The following SYBU variants were observed in gnomAD, a reference collection of about 807,000 sequenced individuals.
The protein encoded by SYBU is syntabulin.
Under a neutral mutation model 35.9 loss-of-function variants are expected in SYBU, and 21 were observed. That is an observed-to-expected ratio of 0.58 (90% CI 0.41 to 0.84). The LOEUF is 0.84. Among genes scored for constraint, SYBU ranks in the 40% least tolerant of loss-of-function variants. SYBU has a pLI of 0.00. For synonymous variants in SYBU, 319 were observed against 324.3 expected (o/e 0.98, Z 0.18); for missense variants, 768 against 848.2 (o/e 0.91, Z 1.17).
At chr8:109,645,215 G>A (rs761653579), upstream of SYBU, 20 of 456,570 alleles carry the variant, frequency 4.4e-5, no homozygotes, top group South Asian at 3.1e-4. Context: ...CCCCTCCTTG[G>A]CCTCCAGGTC....
chr8:109,642,664 C>A (rs1293426008), intron 2 of SYBU, 64 bp downstream of exon 2: 2 of 1,157,236 alleles, frequency 1.7e-6, no homozygotes, highest in African/African-American at 3.1e-5. Context: ...AGTATGGGCC[C>A]ATTCACAATG....
intron 6 of SYBU, among the ~76,000 whole-genome samples, chr8:109,577,656 C>T (rs2131191750): frequency 6.6e-6 from 1 of 152,296 alleles, no homozygotes; most frequent in South Asian, 2.1e-4. Context: ...AACAAAGGTT[C>T]CCCTCTAACC....
chr8:109,663,350 A>G (rs565406915), intron 1 of SYBU, among the ~76,000 whole-genome samples: 92 of 152,264 alleles, frequency 6.0e-4, no homozygotes, highest in African/African-American at 2.1e-3. Flanking sequence ...GATTTTGATC[A>G]GGACAATAAA....
rs868297623 is a variant in SYBU at position 109,579,990 on chromosome 8, A to G, written c.543T>C (p.His181=). 5 of 1,612,978 alleles carry G rather than the reference A, an allele frequency of 3.1e-6. No individual in the cohort carries two copies. In the Middle Eastern group the frequency reaches 5.9e-4, roughly 189 times the overall value. Residue 181 remains histidine (H), a synonymous_variant, in exon 5 of 7, where the codon CAT becomes CAC. Coordinates refer to ENST00000276646, the MANE Select transcript of SYBU (RefSeq NM_001099754.2). ...GTGACGAAGCTCCATTACTCCGCCC[A>G]TGAGGACCTCGACTGGGAGAAAAGA... The part of the protein sequence containing the change: ...RSSSSRNRGP[H]GRSNGASSHK...
chr8:109,664,101 A>C (rs2130746619), intron 1 of SYBU, among the ~76,000 whole-genome samples: 1 of 152,332 alleles, frequency 6.6e-6, no homozygotes, highest in South Asian at 2.1e-4. Context: ...ACAAGAAAAA[A>C]ATTGAAAGTT....
intron 3 of SYBU, among the ~76,000 whole-genome samples, chr8:109,592,529 G>A (rs983265563): frequency 1.3e-5 from 2 of 152,182 alleles, no homozygotes; most frequent in African/African-American, 4.8e-5. Flanking sequence ...AAGGGAGGAG[G>A]CCTTAAGGAG....
chr8:109,690,472 T>C (rs546674387), intron 1 of SYBU, among the ~76,000 whole-genome samples: 2 of 152,326 alleles, frequency 1.3e-5, no homozygotes, highest in African/African-American at 2.4e-5. Context: ...CCAGATGTTA[T>C]AGCTGCCCTT....
chr8:109,596,599 A>G lies in SYBU; in HGVS notation c.428-10437T>C, dbSNP rs527818883. ...TTAACTTTTTAAAATAAAACAGGTT[A>G]TCATGATGTATATACAATCTTTTGG... On this transcript the variant is annotated intron_variant, in intron 3 of 6. Coordinates refer to ENST00000276646, the MANE Select transcript of SYBU (RefSeq NM_001099754.2). 1.3e-4 allele frequency among the ~76,000 whole-genome samples: 20 copies of G among 152,358 alleles called. 1 individual carries two copies. In the South Asian group the frequency reaches 3.9e-3, roughly 30 times the overall value.
At chr8:109,620,356 A>G (rs753012701) in intron 2 of SYBU, among the ~76,000 whole-genome samples, 1 of 152,228 alleles carries the variant, frequency 6.6e-6, no homozygotes, top group Non-Finnish European at 1.5e-5. Context: ...AACTAAAATA[A>G]TGTGCCATCT....
At chr8:109,678,558 A>G (rs112968566) in intron 1 of SYBU, among the ~76,000 whole-genome samples, 2,617 of 147,606 alleles carry the variant, frequency 0.018, 84 homozygotes, top group African/African-American at 0.061. Flanking sequence ...CTCCTGACTC[A>G]GCCTCTGGAG....
upstream of SYBU, among the ~76,000 whole-genome samples, chr8:109,684,996 A>G (rs1022226058): frequency 5.3e-5 from 8 of 152,226 alleles, no homozygotes; most frequent in African/African-American, 1.9e-4. Context: ...ACATGATGTC[A>G]TGAAAATTAC....
At position 109,612,830 on chromosome 8, in the gene SYBU, A is replaced by G. The variant is rs556213465; in HGVS notation, c.427+6012T>C. Among the ~76,000 whole-genome samples the G allele has an allele frequency of 1.8e-4, 28 of 152,274 alleles. No individual in the cohort carries two copies. In the South Asian group the frequency reaches 4.3e-3, roughly 24 times the overall value. The stretch of plus-strand genomic sequence containing the variant: ...CCCCGTCTCTACTAAAAACACAAAA[A>G]TTAGCCAGGCGTGGTGGCAGGCACC... On this transcript the variant is annotated intron_variant, in intron 3 of 6. Coordinates refer to ENST00000276646, the MANE Select transcript of SYBU (RefSeq NM_001099754.2).
upstream of SYBU, among the ~76,000 whole-genome samples, chr8:109,682,501 G>A (rs1379487804): frequency 1.3e-5 from 2 of 152,196 alleles, no homozygotes; most frequent in Non-Finnish European, 2.9e-5. Context: ...AGAGATCTGT[G>A]AAACTTTGAA....
intron 2 of SYBU, among the ~76,000 whole-genome samples, chr8:109,639,832 C>T (rs973419461): frequency 2.0e-5 from 3 of 152,210 alleles, no homozygotes; most frequent in African/African-American, 7.2e-5. Flanking sequence ...CCAGCGTTAA[C>T]ACTCCCTGTA....
At chr8:109,668,194 G>GAGAGAGAGAA (rs1816836451) in intron 1 of SYBU, among the ~76,000 whole-genome samples, 2 of 150,818 alleles carry the variant, frequency 1.3e-5, no homozygotes, top group Admixed American at 1.3e-4. Context: ...GAGAGAGAGA[G>GAGAGAGAGAA]AGAGAGAGAC....
intron 3 of SYBU, among the ~76,000 whole-genome samples, chr8:109,616,235 C>T (rs1811776699): frequency 6.6e-6 from 1 of 151,954 alleles, no homozygotes; most frequent in Admixed American, 6.6e-5. Flanking sequence ...TGGTCTTGAA[C>T]TCCTGACCTC....
chr8:109,668,340 C>T (rs1816842959), intron 1 of SYBU, among the ~76,000 whole-genome samples: 1 of 152,116 alleles, frequency 6.6e-6, no homozygotes, highest in Non-Finnish European at 1.5e-5. Context: ...ACTATTTTTA[C>T]ATTAAGATTC....
upstream of SYBU, chr8:109,646,549 T>G (rs1005767599): frequency 8.5e-5 from 13 of 152,200 alleles, no homozygotes; most frequent in Non-Finnish European, 1.5e-4. Context: ...AATTCATACT[T>G]TCTACACCCA....
intron 1 of SYBU, among the ~76,000 whole-genome samples, chr8:109,661,471 T>TC (rs1719080665): frequency 6.6e-6 from 1 of 152,204 alleles, no homozygotes; most frequent in Admixed American, 6.5e-5. Flanking sequence ...GACAGGGATG[T>TC]CCCTCTTTCA....
Sources: gnomAD v4.1 joint callset for allele counts (sites outside exome capture counted in the v4.1 genomes callset) on GRCh38, gnomAD v4.1.1 for gene constraint, MANE v1.5 for transcripts, NCBI Gene and HGNC (gene_info 2026-07-23, HGNC 2026-07-21) for gene names.